Variants in NEXMIF observed in about 807,000 individuals in gnomAD.
NEXMIF encodes XLMR protein related to neurite extension.
NEXMIF carries 8 observed loss-of-function variants against 62.1 expected under a neutral mutation model. That is an observed-to-expected ratio of 0.13 (90% CI 0.08 to 0.23). NEXMIF has a LOEUF of 0.23. Among genes scored for constraint, NEXMIF ranks in the 10% least tolerant of loss-of-function variants. The pLI is 1.00. For synonymous variants in NEXMIF, 404 were observed against 416.6 expected (o/e 0.97, Z 0.37); for missense variants, 976 against 1,113.3 (o/e 0.88, Z 1.75).
intron 1 of NEXMIF, among the ~76,000 whole-genome samples, chrX:74,820,501 T>A (rs2080391386): frequency 9.0e-6 from 1 of 111,469 alleles, no homozygotes; most frequent in Non-Finnish European, 1.9e-5. Context: ...ATCCCACTAT[T>A]GGGTATATAC....
chrX:74,796,246 A>ATATATAT (rs56311407), intron 1 of NEXMIF, among the ~76,000 whole-genome samples: 7 of 19,748 alleles, frequency 3.5e-4, no homozygotes, highest in African/African-American at 6.3e-4. Context: ...ATATATATAC[A>ATATATAT]CATATATATT....
chrX:74,902,015 G>C (rs1229120395), intron 1 of NEXMIF, among the ~76,000 whole-genome samples: 1 of 110,784 alleles, frequency 9.0e-6, no homozygotes, highest in Non-Finnish European at 1.9e-5. Flanking sequence ...ATGCAAACTG[G>C]CTCCCAGTGG....
intron 1 of NEXMIF, among the ~76,000 whole-genome samples, chrX:74,771,071 T>C (rs2080208675): frequency 8.9e-6 from 1 of 112,143 alleles, no homozygotes; most frequent in Non-Finnish European, 1.9e-5. Flanking sequence ...TATCAAAATT[T>C]GCATACTCTA....
At chrX:74,809,126 G>A (rs1315251691) in intron 1 of NEXMIF, among the ~76,000 whole-genome samples, 1 of 111,076 alleles carries the variant, frequency 9.0e-6, no homozygotes, top group Admixed American at 9.6e-5. Context: ...CTTGATCTTG[G>A]ACTTCCCAGC....
At chrX:74,796,421 A>G (rs2080312301) in intron 1 of NEXMIF, among the ~76,000 whole-genome samples, 1 of 101,965 alleles carries the variant, frequency 9.8e-6, no homozygotes, top group Non-Finnish European at 2.0e-5. Flanking sequence ...GTCTGGAAGC[A>G]ATGATAGCTT....
chrX:74,850,724 C>T (rs1490497619), intron 1 of NEXMIF, among the ~76,000 whole-genome samples: 2 of 111,063 alleles, frequency 1.8e-5, no homozygotes, highest in Non-Finnish European at 3.8e-5. Context: ...GAAAAGTCCT[C>T]CCGTATGAAA....
intron 1 of NEXMIF, among the ~76,000 whole-genome samples, chrX:74,870,008 C>A (rs1446272322): frequency 1.8e-5 from 2 of 110,814 alleles, no homozygotes; most frequent in Admixed American, 1.9e-4. Flanking sequence ...CCAGAATAGC[C>A]AAAGCTATCC....
rs138765017 is a variant in NEXMIF, at chrX:74,748,406, G to A, written c.-47-2709C>T. Among the ~76,000 whole-genome samples the A allele has an allele frequency of 7.5e-3, 837 of 111,568 alleles. 11 individuals carry two copies. The highest frequency in any genetic ancestry group is 0.025 in the African/African-American group (782 of 30,699). ...TACATACCTATTTACTTATACCTTG[G>A]CTGCTTATAAAAATAATTTTGGGGA... On this transcript the variant is annotated intron_variant, in intron 1 of 3. Transcript: ENST00000055682.
At chrX:74,765,250 C>T (rs2080191275) in intron 1 of NEXMIF, among the ~76,000 whole-genome samples, 1 of 111,742 alleles carries the variant, frequency 8.9e-6, no homozygotes, top group South Asian at 3.7e-4. Context: ...ACTGCAACCC[C>T]TGCATTTTTC....
chrX:74,868,836 A>G (rs1343635621), intron 1 of NEXMIF, among the ~76,000 whole-genome samples: 1 of 111,507 alleles, frequency 9.0e-6, no homozygotes. Flanking sequence ...AAGCCATAAT[A>G]AAAAGTCTCC....
In NEXMIF at chrX:74,751,742, T is replaced by TCTTC. The variant is rs1220050621; in HGVS notation, c.-47-6049_-47-6046dup. ...TCCTTCCTTCCCTCCCTCCCTCTTTTCTTCCTTCCTTCCTTCCCTTCCTCT... is the reference window on the plus strand; with the variant it reads ...TCCTTCCTTCCCTCCCTCCCTCTTTTCTTCCTTCCTTCCTTCCTTCCCTTCCTCT... On this transcript the variant is annotated intron_variant, in intron 1 of 3. Coordinates refer to ENST00000055682, the MANE Select transcript of NEXMIF (RefSeq NM_001008537.3). Among the ~76,000 whole-genome samples, 177 of 86,897 alleles carry TCTTC rather than the reference T, an allele frequency of 2.0e-3. 2 individuals are homozygous for TCTTC. The highest frequency in any genetic ancestry group is 7.3e-3 in the African/African-American group (169 of 23,045). The allele number at this position is 86,897 out of a possible 115,157, so 75.5% of individuals were successfully genotyped here.
At chrX:74,750,899 G>A (rs1289781548) in intron 1 of NEXMIF, among the ~76,000 whole-genome samples, 4 of 111,364 alleles carry the variant, frequency 3.6e-5, no homozygotes, top group Non-Finnish European at 7.5e-5. Flanking sequence ...AGTATGGTAT[G>A]ACTCTATTAA....
At chrX:74,793,367 C>A (rs1429194774) in intron 1 of NEXMIF, among the ~76,000 whole-genome samples, 5 of 108,492 alleles carry the variant, frequency 4.6e-5, no homozygotes, top group Non-Finnish European at 9.6e-5. Flanking sequence ...ATGGGCTTCC[C>A]TTTGAGGGTA....
chrX:74,794,223 G>A (rs1464468064), intron 1 of NEXMIF, among the ~76,000 whole-genome samples: 1 of 109,915 alleles, frequency 9.1e-6, no homozygotes, highest in Non-Finnish European at 1.9e-5. Flanking sequence ...AGGTCTGTTG[G>A]AATACCCTGC....
intron 1 of NEXMIF, among the ~76,000 whole-genome samples, chrX:74,856,508 G>A: frequency 9.0e-6 from 1 of 111,368 alleles, no homozygotes; most frequent in South Asian, 3.9e-4. Flanking sequence ...AAAGAATACA[G>A]TAATGCACTG....
At chrX:74,820,309 C>T (rs2080390718) in intron 1 of NEXMIF, among the ~76,000 whole-genome samples, 1 of 109,596 alleles carries the variant, frequency 9.1e-6, no homozygotes, top group African/African-American at 3.4e-5. Context: ...ACATTGTGCA[C>T]ATGTACCCTA....
intron 1 of NEXMIF, among the ~76,000 whole-genome samples, chrX:74,816,508 C>A (rs893474418): frequency 9.0e-6 from 1 of 111,706 alleles, no homozygotes; most frequent in Non-Finnish European, 1.9e-5. Flanking sequence ...AGATGAGTTG[C>A]TTCTTTTTTA....
chrX:74,778,096 C>T (rs780668932), intron 1 of NEXMIF, among the ~76,000 whole-genome samples: 5 of 111,924 alleles, frequency 4.5e-5, no homozygotes, highest in African/African-American at 9.7e-5. Flanking sequence ...AAAGACTGTG[C>T]ATGAACTTTG....
At position 74,775,390 on chromosome X, in the gene NEXMIF, T is replaced by A. The variant is rs183127228; in HGVS notation, c.-47-29693A>T. 2.5e-3 allele frequency among the ~76,000 whole-genome samples: 278 copies of A among 111,850 alleles called. 1 individual carries two copies. The highest frequency in any genetic ancestry group is 8.7e-3 in the African/African-American group (269 of 30,799). On this transcript the variant is annotated intron_variant, in intron 1 of 3. Transcript: ENST00000055682. Reference sequence around the variant, plus strand: ...GAAAAGGTGAAGGCCAGTATTATTATAAAGACAGAGCCGTAAATATGATCA... The same window carrying A: ...GAAAAGGTGAAGGCCAGTATTATTAAAAAGACAGAGCCGTAAATATGATCA...
Sources: allele counts gnomAD v4.1 joint callset (sites outside exome capture counted in the v4.1 genomes callset), GRCh38; gene constraint gnomAD v4.1.1; transcripts MANE v1.5; gene names NCBI Gene and HGNC (gene_info 2026-07-23, HGNC 2026-07-21).